The following RASL12 variants were observed in gnomAD, a reference collection of about 807,000 sequenced individuals.
RASL12 encodes the protein RAS like family 12.
RASL12 carries 16 observed loss-of-function variants against 22.9 expected under a neutral mutation model. The ratio of observed to expected loss-of-function variants is 0.70; its 90% confidence interval spans 0.47 to 1.06. RASL12 has a LOEUF of 1.06. Among genes scored for constraint, RASL12 ranks in the 50% least tolerant of loss-of-function variants. The pLI is 0.00. For missense variants in RASL12, 306 were observed against 353.1 expected (o/e 0.87, Z 1.07); for synonymous variants, 159 against 152.2 (o/e 1.04, Z -0.33).
At chr15:65,075,166 G>C (rs972906044) in intron 1 of RASL12, among the ~76,000 whole-genome samples, 1 of 152,228 alleles carries the variant, frequency 6.6e-6, no homozygotes, top group Non-Finnish European at 1.5e-5. Flanking sequence ...CTTTGCACCC[G>C]GGCCAGTGGC....
At chr15:65,063,683 CTGTT>C (rs777738377) in intron 2 of RASL12, among the ~76,000 whole-genome samples, 8 of 152,152 alleles carry the variant, frequency 5.3e-5, no homozygotes, top group African/African-American at 1.4e-4. Flanking sequence ...TTTGCTCTCT[CTGTT>C]TGACACCCTG....
chr15:65,054,529 C>T lies in RASL12; in HGVS notation c.*370G>A, dbSNP rs2086700219. On this transcript the variant is annotated 3_prime_UTR_variant, in exon 5 of 5. Transcript: ENST00000220062. ...GCCTGACATTGACAGAGCCATCCAC[C>T]CAGACCATCCACTAAGGCCACAGCT... 9.5e-7 allele frequency: 1 copy of T among 1,048,996 alleles called. No individual in the cohort carries two copies. The highest frequency in any genetic ancestry group is 4.9e-5 in the Admixed American group (1 of 20,454). The allele number at this position is 1,048,996 out of a possible 1,614,324, so 65.0% of individuals were successfully genotyped here.
At chr15:65,058,259 A>C (rs532809532) in intron 4 of RASL12, among the ~76,000 whole-genome samples, 168 bp downstream of exon 4, 24 of 152,316 alleles carry the variant, frequency 1.6e-4, no homozygotes, top group African/African-American at 5.5e-4. Context: ...ACACAGTGAG[A>C]CTCTGTCTCA....
the RASL12 span, among the ~76,000 whole-genome samples, chr15:65,046,781 C>T: frequency 1.3e-4 from 20 of 151,988 alleles, no homozygotes; most frequent in African/African-American, 4.8e-4. Flanking sequence ...GGCGTGGTGG[C>T]ACATGCCTGT....
intron 2 of RASL12, among the ~76,000 whole-genome samples, chr15:65,062,608 C>A (rs1460087259): frequency 1.3e-5 from 2 of 152,146 alleles, no homozygotes; most frequent in Non-Finnish European, 2.9e-5. Context: ...TACCACCCCC[C>A]CAGTTAAACC....
downstream of RASL12, chr15:65,049,950 T>A: frequency 7.0e-7 from 1 of 1,425,812 alleles, no homozygotes; most frequent in East Asian, 2.6e-5. Context: ...CCAGGAGGGC[T>A]GCTGGGGCTA....
At chr15:65,064,793 C>A (rs1205432361) in intron 2 of RASL12, among the ~76,000 whole-genome samples, 1 of 152,088 alleles carries the variant, frequency 6.6e-6, no homozygotes, top group Non-Finnish European at 1.5e-5. Flanking sequence ...GGAGTTTCAC[C>A]ATGTTGGCCA....
chr15:65,069,977 A>G (rs1007362932), upstream of RASL12, among the ~76,000 whole-genome samples: 1 of 152,122 alleles, frequency 6.6e-6, no homozygotes. Context: ...CTCCATCCCC[A>G]GTTTCCTCAC....
At chr15:65,052,104 T>A (rs554451634), downstream of RASL12, among the ~76,000 whole-genome samples, 1 of 152,096 alleles carries the variant, frequency 6.6e-6, no homozygotes, top group Non-Finnish European at 1.5e-5. Context: ...ATTAAGGAAG[T>A]GGGCAGTGGG....
chr15:65,067,771 T>C lies in RASL12; in HGVS notation c.65A>G (p.Asn22Ser), dbSNP rs562299824. 1.3e-6 allele frequency: 2 copies of C among 1,581,316 alleles called. No homozygotes were observed. Among genetic ancestry groups the C allele is most frequent in the East Asian group, 2.4e-5 (1 of 41,670 alleles). The stretch of plus-strand genomic sequence containing the variant: ...CCCGCGGCGCCCCAGGATGGCCAGG[T>C]TGACCTCGAGGGGCGCGCTCTGAGG... Reference protein sequence around the residue: ...SGPQSAPLEVNLAILGRRGAG... With the variant: ...SGPQSAPLEVSLAILGRRGAG... The change falls in exon 1 of 5, where the codon AAC (asparagine) becomes AGC (serine). Residue 22 changes from asparagine to serine, a missense_variant. Asn to Ser is a conservative substitution (Grantham distance 46). Coordinates refer to ENST00000220062, the MANE Select transcript of RASL12 (RefSeq NM_016563.4).
chr15:65,067,994 C>T (rs539901698), upstream of RASL12: 10 of 1,157,130 alleles, frequency 8.6e-6, no homozygotes, highest in Non-Finnish European at 9.6e-6. Context: ...AGCGGGCTGC[C>T]ACCCCGCGGG....
intron 2 of RASL12, among the ~76,000 whole-genome samples, chr15:65,064,601 G>GT (rs35840381): frequency 0.034 from 4,933 of 143,728 alleles, 190 homozygotes; most frequent in African/African-American, 0.093. Flanking sequence ...TTGTTTTTGA[G>GT]TTTTTTTTTT....
Position 65,067,738 on chromosome 15 carries a change from T to C in RASL12, c.98A>G (p.Lys33Arg), listed in dbSNP as rs2086895886. The C allele has an allele frequency of 1.9e-6, 3 of 1,563,824 alleles. No homozygotes were observed. The highest frequency in any genetic ancestry group is 2.6e-6 in the Non-Finnish European group (3 of 1,157,438). Reference sequence around the variant, plus strand: ...GGCTCCCCGGCGCCACTCACCAGACTTGCCAGCCCCGCGGCGCCCCAGGAT... The same window carrying C: ...GGCTCCCCGGCGCCACTCACCAGACCTGCCAGCCCCGCGGCGCCCCAGGAT... ...LAILGRRGAGKSALTVKFLTK... is the reference protein window; with the variant it reads ...LAILGRRGAGRSALTVKFLTK... The change falls in exon 1 of 5, where the codon AAG (lysine) becomes AGG (arginine). Residue 33 changes from lysine to arginine, a missense_variant. Physicochemically the swap from Lys to Arg is conservative, Grantham distance 26. Transcript: ENST00000220062.
intron 3 of RASL12, 126 bp from the exon 4 acceptor site, chr15:65,058,743 T>G (rs1428648284): frequency 7.3e-6 from 5 of 682,306 alleles, no homozygotes; most frequent in Non-Finnish European, 1.1e-5. Context: ...CAGAGCCCTT[T>G]CAAAGGGGCA....
In RASL12 at chr15:65,067,873, T is replaced by C. The variant is rs142985613; in HGVS notation, c.-38A>G. The C allele has an allele frequency of 0.016, 23,071 of 1,437,914 alleles. 1,592 individuals are homozygous for C. The African/African-American group carries it at 0.21, about 13-fold the overall frequency. 89.1% of individuals were successfully genotyped at this position (1,437,914 alleles called of 1,614,324 possible). ...GACGGCCACGCAGGTCTGCGGCCGG[T>C]GGGCCCCGCGCAGTGCGCCCGCCCG... is the stretch of plus-strand genomic sequence containing the variant. On this transcript the variant is annotated 5_prime_UTR_variant, in exon 1 of 5. Transcript: ENST00000220062.
the RASL12 span, among the ~76,000 whole-genome samples, chr15:65,047,387 TAC>T: frequency 6.6e-6 from 1 of 151,676 alleles, no homozygotes; most frequent in South Asian, 2.1e-4. Flanking sequence ...TAGAAATATA[TAC>T]ACACATTAAA....
upstream of RASL12, among the ~76,000 whole-genome samples, chr15:65,068,680 G>A (rs904256242): frequency 1.3e-5 from 2 of 152,212 alleles, no homozygotes; most frequent in African/African-American, 4.8e-5. The surrounding 1 kb of genome is among the most constrained non-coding windows in gnomAD (Gnocchi z 4.2). Context: ...ACTGCCTCTT[G>A]CCTACAGCAA....
At chr15:65,052,900 T>C (rs1382036459), downstream of RASL12, 8 of 1,510,132 alleles carry the variant, frequency 5.3e-6, no homozygotes, top group South Asian at 1.2e-5. Flanking sequence ...TTTAAGCCAT[T>C]TGGGCGACCC....
At position 65,054,408 on chromosome 15, in the gene RASL12, G is replaced by A. The variant is rs1272050214; in HGVS notation, c.*491C>T. On this transcript the variant is annotated 3_prime_UTR_variant, in exon 5 of 5. Transcript: ENST00000220062. ...TGTGAAGTCAGCAGATGACAGGAGG[G>A]CCAGGCTCTGGCCTCTGAAACTGCA... 1.0e-6 allele frequency: 1 copy of A among 988,680 alleles called. No homozygotes were observed. The highest frequency in any genetic ancestry group is 1.7e-5 in the African/African-American group (1 of 57,320). The allele number at this position is 988,680 out of a possible 1,614,324, so 61.2% of individuals were successfully genotyped here.
Sources: allele counts gnomAD v4.1 joint callset (sites outside exome capture counted in the v4.1 genomes callset), GRCh38; gene constraint gnomAD v4.1.1; non-coding constraint Gnocchi (gnomAD v3.1); transcripts MANE v1.5; gene names NCBI Gene and HGNC (gene_info 2026-07-23, HGNC 2026-07-21).